The following ARNT2 variants were observed in gnomAD, a reference collection of about 807,000 sequenced individuals.
ARNT2 encodes aryl hydrocarbon receptor nuclear translocator 2, also known as ARNT protein 2.
In ARNT2, 36 loss-of-function variants were observed where a neutral mutation model predicts 91.7. The observed-to-expected ratio is 0.39, with a 90% confidence interval of 0.30 to 0.52. ARNT2 has a LOEUF of 0.52. ARNT2 is among the 20% of genes least tolerant of loss of function. The pLI, the probability that ARNT2 is intolerant of heterozygous loss-of-function variation, is 0.72. For synonymous variants in ARNT2, 365 were observed against 347.1 expected (o/e 1.05, Z -0.57); for missense variants, 775 against 939.3 (o/e 0.83, Z 2.29).
chr15:80,586,736 C>T (rs901741226), intron 17 of ARNT2, among the ~76,000 whole-genome samples: 7 of 150,994 alleles, frequency 4.6e-5, no homozygotes, highest in African/African-American at 1.5e-4. Context: ...CATGGTGGTG[C>T]GCGCTGAGGC....
chr15:80,508,104 A>C (rs1171939326), intron 5 of ARNT2, 52 bp from the exon 6 acceptor site: 1 of 1,578,248 alleles, frequency 6.3e-7, no homozygotes, highest in Non-Finnish European at 8.7e-7. Context: ...TCCCTCCTCC[A>C]TCTCCCAACC....
intron 1 of ARNT2, among the ~76,000 whole-genome samples, chr15:80,449,509 T>A (rs749858015): frequency 6.6e-6 from 1 of 151,672 alleles, no homozygotes; most frequent in Non-Finnish European, 1.5e-5. Context: ...AGAGGAGGAT[T>A]TTTTTTTTCT....
Position 80,469,657 on chromosome 15 carries a change from CA to C in ARNT2, c.195-560del, listed in dbSNP as rs545222012. 1.2e-4 allele frequency among the ~76,000 whole-genome samples: 19 copies of C among 152,228 alleles called. No homozygotes were observed. The South Asian group carries it at 1.7e-3, about 13-fold the overall frequency. On this transcript the variant is annotated intron_variant, in intron 3 of 18. Coordinates refer to ENST00000303329, the MANE Select transcript of ARNT2 (RefSeq NM_014862.4). The stretch of plus-strand genomic sequence containing the variant: ...ATCCATGTACAGATTCATGTGTGCA[CA>C]GGTTGGAGTGCAGTGGTGCGATCTC...
At chr15:80,563,860 C>T (rs1216422861) in intron 12 of ARNT2, among the ~76,000 whole-genome samples, 1 of 152,232 alleles carries the variant, frequency 6.6e-6, no homozygotes, top group Non-Finnish European at 1.5e-5. Context: ...GAACAAGTCA[C>T]TTCCTCTCTT....
intron 5 of ARNT2, among the ~76,000 whole-genome samples, chr15:80,499,829 A>G (rs1340490603): frequency 6.6e-6 from 1 of 152,120 alleles, no homozygotes; most frequent in African/African-American, 2.4e-5. Context: ...TCTTTTTTTG[A>G]CTTTCATAAT....
intron 1 of ARNT2, among the ~76,000 whole-genome samples, chr15:80,420,954 A>G (rs1056528251): frequency 6.6e-6 from 1 of 152,240 alleles, no homozygotes; most frequent in Non-Finnish European, 1.5e-5. Flanking sequence ...GCACATGCAC[A>G]CATGTTTATT....
chr15:80,477,596 A>G (rs979355496), intron 5 of ARNT2, among the ~76,000 whole-genome samples: 5 of 152,210 alleles, frequency 3.3e-5, no homozygotes, highest in African/African-American at 1.2e-4. Flanking sequence ...CACAAGAATT[A>G]TAACCAGCCT....
intron 1 of ARNT2, among the ~76,000 whole-genome samples, chr15:80,418,899 A>G (rs1895823102): frequency 6.6e-6 from 1 of 152,198 alleles, no homozygotes; most frequent in African/African-American, 2.4e-5. Context: ...ATAAATATTT[A>G]TTAAATATCT....
chr15:80,514,800 C>T (rs549932938), intron 8 of ARNT2, among the ~76,000 whole-genome samples: 50 of 152,206 alleles, frequency 3.3e-4, no homozygotes, highest in Non-Finnish European at 5.1e-4. Flanking sequence ...GCAGGAGAGT[C>T]GCTTGAACCC....
intron 6 of ARNT2, among the ~76,000 whole-genome samples, chr15:80,509,028 A>G (rs1318208650): frequency 6.6e-6 from 1 of 152,200 alleles, no homozygotes; most frequent in African/African-American, 2.4e-5. Context: ...TGTGGAGTTC[A>G]TGAGGCAGTG....
chr15:80,580,968 T>C (rs1035661790), intron 16 of ARNT2: 4 of 532,336 alleles, frequency 7.5e-6, no homozygotes, highest in South Asian at 2.6e-5. Context: ...GTGTTCATAA[T>C]GCCAAGGCCT....
At chr15:80,426,882 C>T (rs976893437) in intron 1 of ARNT2, among the ~76,000 whole-genome samples, 3 of 152,142 alleles carry the variant, frequency 2.0e-5, no homozygotes, top group South Asian at 2.1e-4. Flanking sequence ...TCCTGGCTTG[C>T]GGACAGCCAC....
chr15:80,522,989 C>T (rs1426248221), intron 8 of ARNT2, among the ~76,000 whole-genome samples: 3 of 151,970 alleles, frequency 2.0e-5, no homozygotes, highest in East Asian at 1.9e-4. Context: ...TTTATAGATC[C>T]AGAAAGTCTT....
rs112270799 is a variant in ARNT2 at position 80,575,267 on chromosome 15, G to C, written c.1513+157G>C. On this transcript the variant is annotated intron_variant, in intron 14 of 18. Coordinates refer to ENST00000303329, the MANE Select transcript of ARNT2 (RefSeq NM_014862.4). ...AAATACACGAGTTGGAATGGATTCT[G>C]TCTACTCCTGGCCTTGCCTCTGTAT... Among the ~76,000 whole-genome samples, 9 of 152,316 alleles carry C rather than the reference G, an allele frequency of 5.9e-5. No individual in the cohort carries two copies. In the East Asian group the frequency reaches 1.5e-3, roughly 26 times the overall value.
chr15:80,543,860 C>T (rs533813479), intron 8 of ARNT2, among the ~76,000 whole-genome samples: 2 of 152,286 alleles, frequency 1.3e-5, no homozygotes, highest in South Asian at 4.1e-4. Context: ...CCTGCCTCAG[C>T]CTCCTGAGTA....
chr15:80,596,092 C>A lies in ARNT2; in HGVS notation c.*2394C>A, dbSNP rs981155976. 6.6e-6 allele frequency: 1 copy of A among 152,202 alleles called. No individual in the cohort carries two copies. Among genetic ancestry groups the A allele is most frequent in the Non-Finnish European group, 1.5e-5 (1 of 68,046 alleles). The allele number at this position is 152,202 out of a possible 1,614,324, so 9.4% of individuals were successfully genotyped here. ...TGAACACGCTGACTGTGAACCTGCC[C>A]TGTATCCGGAGCTGTGCTGGGCACT... On this transcript the variant is annotated 3_prime_UTR_variant, in exon 19 of 19. Transcript: ENST00000303329.
In ARNT2 at chr15:80,514,398, A is replaced by G. The variant is rs1897396726; in HGVS notation, c.870A>G (p.Pro290=). Residue 290 remains proline, a synonymous_variant, in exon 8 of 19, where the codon CCA becomes CCG. Coordinates refer to ENST00000303329, the MANE Select transcript of ARNT2 (RefSeq NM_014862.4). Reference sequence around the variant, plus strand: ...GTACAGGATACATCAAGGCCTGGCCACCAGCAGGTAAGGAGACCTGCATGT... The same window carrying G: ...GTACAGGATACATCAAGGCCTGGCCGCCAGCAGGTAAGGAGACCTGCATGT... ...VHCTGYIKAW[P]PAGMTIPEED... The G allele has an allele frequency of 1.9e-6, 3 of 1,614,204 alleles. No individual in the cohort carries two copies. Among genetic ancestry groups the G allele is most frequent in the Non-Finnish European group, 2.5e-6 (3 of 1,180,012 alleles).
rs368029209 is a variant in ARNT2, at chr15:80,470,395, C to T, written c.372C>T (p.Thr124=). 2.6e-5 allele frequency: 42 copies of T among 1,614,042 alleles called. No homozygotes were observed. The East Asian group carries it at 6.0e-4, about 23-fold the overall frequency. The part of the protein sequence containing the change: ...KSMRGTGNKS[T]DGAYKPSFLT... The stretch of plus-strand genomic sequence containing the variant: ...TGAGGGGTACAGGGAACAAGTCCAC[C>T]GATGGCGCGTACAAGCCTTCCTTCC... The change falls in exon 4 of 19, where the codon ACC becomes ACT. Residue 124 remains threonine, a synonymous_variant. Transcript: ENST00000303329.
At chr15:80,415,010 T>C (rs977309576) in intron 1 of ARNT2, among the ~76,000 whole-genome samples, 1 of 152,210 alleles carries the variant, frequency 6.6e-6, no homozygotes, top group African/African-American at 2.4e-5. Context: ...GACCAACCAT[T>C]GGTGAACAGA....
Sources: gnomAD v4.1 joint callset for allele counts (sites outside exome capture counted in the v4.1 genomes callset) on GRCh38, gnomAD v4.1.1 for gene constraint, MANE v1.5 for transcripts, NCBI Gene and HGNC (gene_info 2026-07-23, HGNC 2026-07-21) for gene names.